Variants in PLXNA1 observed in about 807,000 individuals in gnomAD.
PLXNA1 encodes the protein plexin A1.
PLXNA1 carries 77 observed loss-of-function variants against 191.7 expected under a neutral mutation model. That is an observed-to-expected ratio of 0.40 (90% CI 0.33 to 0.49). The LOEUF (loss-of-function observed/expected upper bound fraction) is 0.49, where lower values mean the gene tolerates loss of function less well. Ranked by LOEUF, PLXNA1 falls within the 20% of genes least tolerant of loss-of-function variation. PLXNA1 has a pLI of 0.63. For synonymous variants in PLXNA1, 1,137 were observed against 1,156.4 expected, an observed-to-expected ratio of 0.98 and a Z score of 0.34; for missense variants, 2,110 against 2,660.2, an observed-to-expected ratio of 0.79 and a Z score of 4.55.
At position 127,030,209 on chromosome 3, in the gene PLXNA1, C is replaced by T. The variant is rs774169848; in HGVS notation, c.5062-34C>T. The T allele has an allele frequency of 1.4e-5, 23 of 1,607,346 alleles. No homozygotes were observed. The African/African-American group carries it at 2.1e-4, about 15-fold the overall frequency. On this transcript the variant is annotated intron_variant, in intron 28 of 31. Transcript: ENST00000393409. ...GGAGGTGTAGGCAGCCAGGCAGCGC[C>T]CTGGGGCTCAGTGTCCCTGCCTGCC...
At chr3:126,992,711 G>T (rs535194456) in intron 3 of PLXNA1, among the ~76,000 whole-genome samples, 10 of 152,160 alleles carry the variant, frequency 6.6e-5, no homozygotes, top group Admixed American at 3.3e-4. Flanking sequence ...GGTGCCCTGG[G>T]GTCCTGCTGG....
chr3:126,998,043 G>A (rs900231530), intron 3 of PLXNA1, among the ~76,000 whole-genome samples: 2 of 152,206 alleles, frequency 1.3e-5, no homozygotes, highest in African/African-American at 2.4e-5. Context: ...TGCTGGCAGC[G>A]TGCAGTGGGT....
At chr3:126,991,336 C>G (rs374195733) in intron 2 of PLXNA1, 48 bp from the exon 3 acceptor site, 1 of 1,598,928 alleles carries the variant, frequency 6.3e-7, no homozygotes, top group Non-Finnish European at 8.5e-7. Context: ...CCCAGTCCTC[C>G]GGGAGAAGGT....
At chr3:127,023,067 T>C (rs932340472) in intron 23 of PLXNA1, among the ~76,000 whole-genome samples, 10 of 152,158 alleles carry the variant, frequency 6.6e-5, no homozygotes, top group African/African-American at 2.2e-4. Context: ...GGAGTTCGGA[T>C]ACAGGCTCTC....
chr3:127,026,869 T>C (rs2079179067), intron 23 of PLXNA1: 1 of 152,520 alleles, frequency 6.6e-6, no homozygotes, highest in Non-Finnish European at 1.5e-5. Context: ...GCCTCGCCTG[T>C]GTGGCCAACT....
At chr3:127,021,925 C>T (rs750126614) in intron 21 of PLXNA1, among the ~76,000 whole-genome samples, 160 bp from the exon 22 acceptor site, 3 of 152,216 alleles carry the variant, frequency 2.0e-5, no homozygotes, top group South Asian at 2.1e-4. Context: ...GGGAATGACC[C>T]GCCGAGCTGA....
rs768691319 is a variant in PLXNA1 at position 127,014,574 on chromosome 3, C to T, written c.2701C>T (p.Arg901Cys). Residue 901 changes from arginine (R) to cysteine (C), a missense_variant, in exon 13 of 32, where the codon CGC (arginine) becomes TGC (cysteine). Physicochemically the swap from Arg to Cys is radical, Grantham distance 180 (BLOSUM62 -3). Coordinates refer to ENST00000393409, the MANE Select transcript of PLXNA1 (RefSeq NM_032242.4). ...LRFEDVRLGV[R>C]VGKVLCSPVE... ...ATTCGAAGACGTGCGTCTGGGCGTG[C>T]GCGTGGGCAAGGTGCTGTGCAGCCC... 8 of 1,612,820 alleles carry T rather than the reference C, an allele frequency of 5.0e-6. No homozygotes were observed. The African/African-American group carries it at 5.3e-5, about 11-fold the overall frequency.
chr3:127,008,938 A>C (rs1289690293), intron 9 of PLXNA1, among the ~76,000 whole-genome samples: 2 of 152,140 alleles, frequency 1.3e-5, no homozygotes, highest in African/African-American at 4.8e-5. Context: ...GTGACTGCCT[A>C]TAACAGTGGG....
intron 3 of PLXNA1, among the ~76,000 whole-genome samples, chr3:126,996,606 T>C (rs1268445166): frequency 6.6e-6 from 1 of 152,116 alleles, no homozygotes; most frequent in East Asian, 1.9e-4. Context: ...GCAAGAAGTG[T>C]GCTGGCCACA....
intron 21 of PLXNA1, 152 bp downstream of exon 21, chr3:127,020,496 G>T: frequency 1.0e-6 from 1 of 981,898 alleles, no homozygotes; most frequent in East Asian, 2.6e-5. Flanking sequence ...TCAGCCAAGT[G>T]GGGAGCAGGT....
intron 3 of PLXNA1, among the ~76,000 whole-genome samples, chr3:126,996,349 C>T (rs2079015019): frequency 6.6e-6 from 1 of 152,182 alleles, no homozygotes; most frequent in African/African-American, 2.4e-5. Flanking sequence ...TAGAAGCTTT[C>T]AGCATGCTTT....
At position 127,003,341 on chromosome 3, in the gene PLXNA1, C is replaced by T. The variant is rs2079049838; in HGVS notation, c.1389C>T (p.Asp463=). The T allele has an allele frequency of 6.2e-7, 1 of 1,600,322 alleles. No individual in the cohort carries two copies. The highest frequency in any genetic ancestry group is 8.5e-7 in the Non-Finnish European group (1 of 1,170,566). Residue 463 remains aspartate (D), a synonymous_variant, in exon 4 of 32, where the codon GAC becomes GAT. Coordinates refer to ENST00000393409, the MANE Select transcript of PLXNA1 (RefSeq NM_032242.4). Reference sequence around the variant, plus strand: ...CCTTGCTGCCGCAGATCCTGGTGGACCTCTCAAACCCCGGTGGCCGGCCTG... The same window carrying T: ...CCTTGCTGCCGCAGATCCTGGTGGATCTCTCAAACCCCGGTGGCCGGCCTG... ...RSGRIRKILV[D]LSNPGGRPAL...
At chr3:127,023,533 G>A (rs1287177481) in intron 23 of PLXNA1, among the ~76,000 whole-genome samples, 2 of 152,204 alleles carry the variant, frequency 1.3e-5, no homozygotes, top group African/African-American at 4.8e-5. Context: ...CTGCTCTGTG[G>A]GTGAGGGTGA....
chr3:127,028,706 T>A (rs2079189473), intron 25 of PLXNA1: 1 of 541,420 alleles, frequency 1.8e-6, no homozygotes, highest in Admixed American at 3.4e-5. Context: ...CTGGAGAGGC[T>A]GGGTCCCCAC....
chr3:127,008,275 C>CA (rs2079078498), intron 9 of PLXNA1, among the ~76,000 whole-genome samples: 1 of 152,084 alleles, frequency 6.6e-6, no homozygotes. Context: ...TGTCAGGCTG[C>CA]AAAGCAGGTG....
At chr3:127,021,162 C>A (rs553475097) in intron 21 of PLXNA1, among the ~76,000 whole-genome samples, 2 of 152,092 alleles carry the variant, frequency 1.3e-5, no homozygotes, top group African/African-American at 4.8e-5. Context: ...ACTGAGCAGA[C>A]CTTCCCGCCT....
At chr3:127,008,350 G>A (rs1387324706) in intron 9 of PLXNA1, among the ~76,000 whole-genome samples, 1 of 152,204 alleles carries the variant, frequency 6.6e-6, no homozygotes, top group Non-Finnish European at 1.5e-5. Flanking sequence ...TTGGGCAGGG[G>A]AGCTTGCCGG....
intron 21 of PLXNA1, among the ~76,000 whole-genome samples, chr3:127,020,697 A>C (rs1576686674): frequency 6.6e-6 from 1 of 151,946 alleles, no homozygotes; most frequent in African/African-American, 2.4e-5. Flanking sequence ...GGCTTCTGGC[A>C]CCTCCCCGGT....
intron 3 of PLXNA1, among the ~76,000 whole-genome samples, chr3:127,002,464 T>G (rs928279155): frequency 1.3e-4 from 20 of 152,228 alleles, no homozygotes; most frequent in Admixed American, 2.6e-4. Context: ...GGACCTGCCC[T>G]GCTCTGTAAC....
Sources: allele counts gnomAD v4.1 joint callset (sites outside exome capture counted in the v4.1 genomes callset), GRCh38; gene constraint gnomAD v4.1.1; transcripts MANE v1.5; gene names NCBI Gene and HGNC (gene_info 2026-07-23, HGNC 2026-07-21).